The following HMGCLL1 variants were observed in gnomAD, a reference collection of about 807,000 sequenced individuals.
HMGCLL1 encodes 3-hydroxymethyl-3-methylglutaryl-CoA lyase, cytoplasmic.
In HMGCLL1, 36 loss-of-function variants were observed where a neutral mutation model predicts 39.1. That is an observed-to-expected ratio of 0.92 (90% CI 0.71 to 1.22). The LOEUF (loss-of-function observed/expected upper bound fraction) is 1.22. Among genes scored for constraint, HMGCLL1 ranks in the 50% most tolerant of loss-of-function variants. HMGCLL1 has a pLI of 0.00. For synonymous variants in HMGCLL1, 149 were observed against 144.0 expected (o/e 1.03, Z -0.25); for missense variants, 451 against 416.5 (o/e 1.08, Z -0.72).
intron 1 of HMGCLL1, chr6:55,577,152 T>C: frequency 1.3e-6 from 2 of 1,596,888 alleles, no homozygotes; most frequent in Non-Finnish European, 8.5e-7. Flanking sequence ...CAGTGAAGGT[T>C]TGTTAGAAGA....
the HMGCLL1 span, among the ~76,000 whole-genome samples, chr6:55,587,333 A>T: frequency 4.7e-4 from 71 of 152,128 alleles, no homozygotes; most frequent in Middle Eastern, 3.4e-3. Context: ...ATTTTCTCCC[A>T]TTCTGTAGGT....
At chr6:55,525,828 GGT>G (rs1768288321) in intron 3 of HMGCLL1, among the ~76,000 whole-genome samples, 1 of 151,822 alleles carries the variant, frequency 6.6e-6, no homozygotes, top group Non-Finnish European at 1.5e-5. Flanking sequence ...TCCTCCCTGC[GGT>G]GAGGAGTAGA....
intron 1 of HMGCLL1, among the ~76,000 whole-genome samples, chr6:55,567,606 A>C (rs1292417137): frequency 6.6e-6 from 1 of 152,192 alleles, no homozygotes; most frequent in Non-Finnish European, 1.5e-5. Context: ...TTTTTAAATG[A>C]ATTGCAAGAA....
the HMGCLL1 span, among the ~76,000 whole-genome samples, chr6:55,629,682 G>T: frequency 2.6e-5 from 4 of 152,110 alleles, no homozygotes; most frequent in Non-Finnish European, 5.9e-5. Context: ...CAGGGTTCCT[G>T]TGCTGTGAGC....
At chr6:55,634,891 TAAAG>T in the HMGCLL1 span, among the ~76,000 whole-genome samples, 1 of 152,090 alleles carries the variant, frequency 6.6e-6, no homozygotes, top group African/African-American at 2.4e-5. Context: ...AAAAGAAATT[TAAAG>T]AAAAGGATTT....
At chr6:55,477,170 A>ATTTATATAATTATAT (rs1765348747) in intron 7 of HMGCLL1, among the ~76,000 whole-genome samples, 1 of 45,506 alleles carries the variant, frequency 2.2e-5, no homozygotes, top group Non-Finnish European at 3.6e-5. Context: ...TTATAATATA[A>ATTTATATAATTATAT]TATATATTAT....
intron 1 of HMGCLL1, among the ~76,000 whole-genome samples, chr6:55,542,630 T>A (rs1195729346): frequency 6.6e-6 from 1 of 151,254 alleles, no homozygotes; most frequent in Non-Finnish European, 1.5e-5. Context: ...ATACAAGAAA[T>A]TAACTGGGCA....
intron 1 of HMGCLL1, among the ~76,000 whole-genome samples, chr6:55,570,935 C>T (rs373242366): frequency 4.8e-4 from 73 of 152,186 alleles, no homozygotes; most frequent in South Asian, 4.8e-3. Flanking sequence ...TGGCGGCAGG[C>T]GAGAGAGAAT....
At chr6:55,656,025 A>G in the HMGCLL1 span, among the ~76,000 whole-genome samples, 1 of 151,992 alleles carries the variant, frequency 6.6e-6, no homozygotes, top group East Asian at 1.9e-4. Flanking sequence ...CTATGCACAT[A>G]CTGATAATTC....
At chr6:55,545,556 AT>A (rs2127461172) in intron 1 of HMGCLL1, among the ~76,000 whole-genome samples, 1 of 152,244 alleles carries the variant, frequency 6.6e-6, no homozygotes, top group South Asian at 2.1e-4. Flanking sequence ...TACAGTCCAT[AT>A]GTCATGCATT....
chr6:55,643,683 C>T, the HMGCLL1 span, among the ~76,000 whole-genome samples: 1 of 151,990 alleles, frequency 6.6e-6, no homozygotes, highest in East Asian at 1.9e-4. Flanking sequence ...ATTTTTAGAT[C>T]CCCCAAATAA....
At chr6:55,619,548 C>CAA in the HMGCLL1 span, among the ~76,000 whole-genome samples, 3 of 151,074 alleles carry the variant, frequency 2.0e-5, no homozygotes, top group African/African-American at 7.3e-5. Flanking sequence ...ACTTATTTTC[C>CAA]AAAAAAAATT....
chr6:55,582,435 T>C (rs1772000832), upstream of HMGCLL1, among the ~76,000 whole-genome samples: 5 of 152,166 alleles, frequency 3.3e-5, no homozygotes, highest in South Asian at 1.0e-3. Flanking sequence ...TAAACATTTC[T>C]GAACTTAAAA....
At chr6:55,454,355 T>C (rs1764235421) in intron 7 of HMGCLL1, among the ~76,000 whole-genome samples, 1 of 152,118 alleles carries the variant, frequency 6.6e-6, no homozygotes, top group African/African-American at 2.4e-5. Context: ...CAAAGGTGTA[T>C]ACTGGAGGGC....
upstream of HMGCLL1, among the ~76,000 whole-genome samples, chr6:55,581,256 C>T (rs1771982080): frequency 1.3e-5 from 2 of 152,004 alleles, no homozygotes; most frequent in South Asian, 4.2e-4. Flanking sequence ...TTTCATATAC[C>T]AATTAGTTGA....
At chr6:55,658,979 G>A in the HMGCLL1 span, among the ~76,000 whole-genome samples, 1 of 151,902 alleles carries the variant, frequency 6.6e-6, no homozygotes, top group Non-Finnish European at 1.5e-5. Flanking sequence ...AACTGAAAGA[G>A]GGGGCAGAGT....
chr6:55,548,101 T>G (rs1477576197), intron 1 of HMGCLL1, among the ~76,000 whole-genome samples: 1 of 152,026 alleles, frequency 6.6e-6, no homozygotes, highest in Non-Finnish European at 1.5e-5. Context: ...TAATGTACTA[T>G]TATGTCATCT....
chr6:55,618,887 G>GT, the HMGCLL1 span, among the ~76,000 whole-genome samples: 1 of 152,072 alleles, frequency 6.6e-6, no homozygotes, highest in Non-Finnish European at 1.5e-5. Flanking sequence ...AGTGAACTTA[G>GT]TTATCAAGTG....
intron 7 of HMGCLL1, among the ~76,000 whole-genome samples, chr6:55,459,014 TA>T (rs2127394416): frequency 6.6e-6 from 1 of 152,308 alleles, no homozygotes; most frequent in East Asian, 1.9e-4. Flanking sequence ...AGCTTCTTAC[TA>T]GAGAGTGCAA....
Sources: gnomAD v4.1 joint callset for allele counts (sites outside exome capture counted in the v4.1 genomes callset) on GRCh38, gnomAD v4.1.1 for gene constraint, MANE v1.5 for transcripts, NCBI Gene and HGNC (gene_info 2026-07-23, HGNC 2026-07-21) for gene names.